Variants in GLUD1 observed in about 807,000 individuals in gnomAD.
GLUD1 encodes the protein glutamate dehydrogenase 1, mitochondrial.
In GLUD1, 22 loss-of-function variants were observed where a neutral mutation model predicts 56.0. The observed-to-expected ratio is 0.39, with a 90% CI of 0.28 to 0.56. GLUD1 has a LOEUF of 0.56. GLUD1 is among the 20% of genes least tolerant of loss of function. The probability of loss-of-function intolerance (pLI) is 0.58; values close to 1 mark genes in which losing one functional copy is unlikely to be tolerated. For synonymous variants in GLUD1, 223 were observed against 269.9 expected (o/e 0.83, Z 1.70); for missense variants, 451 against 732.0 (o/e 0.62, Z 4.43).
chr10:87,069,062 A>G lies in GLUD1; in HGVS notation c.647-905T>C, dbSNP rs191156356. ...AATTACTTGGAATTATCATGAACAT[A>G]CATATGGAAAAAGGCAGGTTTCATA... On this transcript the variant is annotated intron_variant, in intron 4 of 12. Transcript: ENST00000277865. Among the ~76,000 whole-genome samples the G allele has an allele frequency of 3.9e-5, 6 of 152,018 alleles. No homozygotes were observed. The East Asian group carries it at 1.2e-3, about 29-fold the overall frequency.
chr10:87,058,987 G>C (rs2133791775), intron 10 of GLUD1, among the ~76,000 whole-genome samples, 163 bp downstream of exon 10: 1 of 152,286 alleles, frequency 6.6e-6, no homozygotes, highest in Middle Eastern at 3.4e-3. Context: ...TATCCAGAAA[G>C]ACATTGTGCA....
At position 87,094,693 on chromosome 10, in the gene GLUD1, G is replaced by A. The variant is rs761476017; in HGVS notation, c.77C>T (p.Ser26Leu). ...PAALGSASAD[S>L]AALLGWARGQ... is the part of the protein sequence containing the mutation. The stretch of plus-strand genomic sequence containing the variant: ...CCGGGCCCAGCCCAGCAACGCGGCC[G>A]AGTCGGCGGACGCCGAGCCCAGGGC... The change falls in exon 1 of 13, where the codon TCG becomes TTG. Residue 26 changes from serine (S) to leucine (L), a missense_variant. Ser to Leu is a moderately radical substitution (Grantham distance 145, BLOSUM62 -2). This residue lies in a region of GLUD1 where 158 missense variants were observed against 189.7 expected (regional missense o/e 0.83). Transcript: ENST00000277865. This position sits in a 1 kb window ranked among gnomAD's most constrained non-coding sequence, Gnocchi z 6.6. 8 of 1,497,978 alleles carry A rather than the reference G, an allele frequency of 5.3e-6. 1 individual carries two copies. Among genetic ancestry groups the A allele is most frequent in the South Asian group, 3.8e-5 (3 of 79,636 alleles). 92.8% of individuals were successfully genotyped at this position (1,497,978 alleles called of 1,614,324 possible). A position where few individuals can be genotyped will look rare whatever the true frequency, so the allele number is the denominator to read the frequency against.
chr10:87,057,588 A>C, intron 11 of GLUD1, 103 bp downstream of exon 11: 1 of 775,748 alleles, frequency 1.3e-6, no homozygotes, highest in East Asian at 2.4e-5. Context: ...TGTCAAGCTA[A>C]TTACAAAGAC....
In GLUD1 at chr10:87,094,364, G is replaced by T. The variant is rs1405119017; in HGVS notation, c.406C>A (p.Arg136=). 2 of 1,611,976 alleles carry T rather than the reference G, an allele frequency of 1.2e-6. No homozygotes were observed. Among genetic ancestry groups the T allele is most frequent in the South Asian group, 2.2e-5 (2 of 90,970 alleles). The part of the protein sequence containing the change: ...DGSWEVIEGY[R]AQHSQHRTPC... ...GTGCGGTGCTGGCTGTGCTGGGCCC[G>T]GTAGCCTTCGATGACCTCCCAGGAG... Residue 136 remains arginine, a synonymous_variant, in exon 1 of 13, where the codon CGG becomes AGG. Transcript: ENST00000277865. The surrounding 1 kb of genome is among the most constrained non-coding windows in gnomAD (Gnocchi z 6.6).
chr10:87,069,425 G>A (rs1564770806), intron 4 of GLUD1, among the ~76,000 whole-genome samples: 1 of 150,784 alleles, frequency 6.6e-6, no homozygotes, highest in Non-Finnish European at 1.5e-5. Context: ...TGAGGCAGGA[G>A]AATCGCTTGA....
chr10:87,050,216 T>C lies in GLUD1; in HGVS notation c.*1535A>G, dbSNP rs1404825843. ...TTCTCAAGAACAGCTGTTCATATTA[T>C]TTAATAAAATACAAAATAATTCGAG... On this transcript the variant is annotated 3_prime_UTR_variant, in exon 13 of 13. Transcript: ENST00000277865. Among the ~76,000 whole-genome samples the C allele has an allele frequency of 1.3e-5, 2 of 152,168 alleles. No homozygotes were observed. The highest frequency in any genetic ancestry group is 4.8e-5 in the African/African-American group (2 of 41,438).
chr10:87,061,620 T>A (rs962995582), intron 6 of GLUD1, among the ~76,000 whole-genome samples: 1 of 141,002 alleles, frequency 7.1e-6, no homozygotes, highest in Non-Finnish European at 1.5e-5. Context: ...AGAAATACAA[T>A]TTTTTTTTTT....
In GLUD1 at chr10:87,062,665, A is replaced by G. The variant is rs1304904511; in HGVS notation, c.912T>C (p.Phe304=). 1 of 1,613,670 alleles carries G rather than the reference A, an allele frequency of 6.2e-7. No individual in the cohort carries two copies. The highest frequency in any genetic ancestry group is 8.5e-7 in the Non-Finnish European group (1 of 1,179,734). The stretch of plus-strand genomic sequence containing the variant: ...TTGTTTTTGTTTTTACCTGAACAAC[A>G]AATGTTTTATCTCCAAACCCTGGTG... ...GMTPGFGDKT[F]VVQGFGNVGL... Residue 304 remains phenylalanine, a synonymous_variant, in exon 6 of 13, where the codon TTT becomes TTC. Transcript: ENST00000277865.
chr10:87,055,758 T>C (rs1291834619), intron 11 of GLUD1, among the ~76,000 whole-genome samples: 1 of 152,204 alleles, frequency 6.6e-6, no homozygotes, highest in South Asian at 2.1e-4. Context: ...ACAAAATCTT[T>C]AACTTTTTCC....
chr10:87,078,562 T>C (rs1234754914), intron 1 of GLUD1, among the ~76,000 whole-genome samples: 1 of 152,238 alleles, frequency 6.6e-6, no homozygotes, highest in Admixed American at 6.5e-5. Flanking sequence ...GAAAATGGCA[T>C]ATATTAGGCA....
At chr10:87,087,579 G>A (rs1841413191) in intron 1 of GLUD1, among the ~76,000 whole-genome samples, 1 of 152,258 alleles carries the variant, frequency 6.6e-6, no homozygotes, top group South Asian at 2.1e-4. Context: ...AGGAATTTGC[G>A]ACATTCAGGA....
At chr10:87,073,178 C>T (rs1238373022) in intron 4 of GLUD1, among the ~76,000 whole-genome samples, 2 of 152,132 alleles carry the variant, frequency 1.3e-5, no homozygotes, top group East Asian at 1.9e-4. Context: ...GATGTGGTCT[C>T]GTTTTGTTGC....
At chr10:87,086,550 G>A (rs935027461) in intron 1 of GLUD1, among the ~76,000 whole-genome samples, 40 of 152,100 alleles carry the variant, frequency 2.6e-4, no homozygotes, top group African/African-American at 6.5e-4. Flanking sequence ...TTGGCCTGGC[G>A]CGGTGGCTCA....
intron 11 of GLUD1, among the ~76,000 whole-genome samples, chr10:87,056,964 CCCT>C (rs1046872392): frequency 6.6e-6 from 1 of 152,086 alleles, no homozygotes; most frequent in African/African-American, 2.4e-5. Context: ...CTCCCTCCAT[CCCT>C]CCTTTCTTTT....
chr10:87,081,276 G>A (rs1564561422), intron 1 of GLUD1, among the ~76,000 whole-genome samples: 3 of 150,502 alleles, frequency 2.0e-5, no homozygotes, highest in Admixed American at 6.6e-5. Context: ...CTACTGGGAA[G>A]TGAGGAGCCC....
chr10:87,057,347 C>G (rs1224154691), intron 11 of GLUD1, among the ~76,000 whole-genome samples: 1 of 152,190 alleles, frequency 6.6e-6, no homozygotes, highest in Non-Finnish European at 1.5e-5. Flanking sequence ...AGGTTGGTCT[C>G]AAACTCTTGG....
chr10:87,060,563 GGTATGTGCA>G, intron 8 of GLUD1, 116 bp downstream of exon 8: 2 of 1,137,420 alleles, frequency 1.8e-6, no homozygotes, highest in Admixed American at 1.7e-5. Context: ...GGAACTGTAT[GGTATGTGCA>G]GTATGTGCCA....
chr10:87,082,319 CTG>C (rs1382528862), intron 1 of GLUD1, among the ~76,000 whole-genome samples: 2 of 152,222 alleles, frequency 1.3e-5, no homozygotes, highest in Non-Finnish European at 2.9e-5. Context: ...GAGTCAGAAA[CTG>C]TGTGTGTATA....
intron 1 of GLUD1, chr10:87,093,932 C>G: frequency 1.5e-6 from 2 of 1,354,022 alleles, no homozygotes; most frequent in Non-Finnish European, 9.7e-7. Context: ...GGGAGACTCA[C>G]AAAAGCCCAA....
Sources: allele counts gnomAD v4.1 joint callset (sites outside exome capture counted in the v4.1 genomes callset), GRCh38; gene constraint gnomAD v4.1.1; regional missense constraint gnomAD v4.1.1; non-coding constraint Gnocchi (gnomAD v3.1); transcripts MANE v1.5; gene names NCBI Gene and HGNC (gene_info 2026-07-23, HGNC 2026-07-21).